Variants in COL23A1 observed in about 807,000 individuals in gnomAD.
COL23A1 encodes collagen alpha-1(XXIII) chain.
Under a neutral mutation model 99.3 loss-of-function variants are expected in COL23A1, and 97 were observed. The observed-to-expected ratio is 0.98, with a 90% CI of 0.83 to 1.16. The LOEUF (loss-of-function observed/expected upper bound fraction) is 1.16. Ranked by LOEUF, COL23A1 falls within the 50% of genes most tolerant of loss-of-function variation. The pLI is 0.00. For missense variants in COL23A1, 762 were observed against 757.4 expected (o/e 1.01, Z -0.07); for synonymous variants, 320 against 308.2 (o/e 1.04, Z -0.40).
intron 6 of COL23A1, among the ~76,000 whole-genome samples, chr5:178,269,795 GCATCCATC>G (rs112165051): frequency 8.5e-5 from 12 of 141,932 alleles, no homozygotes; most frequent in African/African-American, 5.2e-5. Context: ...TATCCAGTCA[GCATCCATC>G]CATCCATCCA....
chr5:178,298,045 C>T (rs1265723431), intron 3 of COL23A1, among the ~76,000 whole-genome samples: 1 of 152,132 alleles, frequency 6.6e-6, no homozygotes, highest in East Asian at 1.9e-4. Flanking sequence ...ATGGTGGTGT[C>T]CCGAGGTCCA....
intron 1 of COL23A1, among the ~76,000 whole-genome samples, chr5:178,563,593 A>G (rs536441468): frequency 1.5e-5 from 2 of 130,510 alleles, no homozygotes; most frequent in African/African-American, 6.0e-5. Flanking sequence ...ATGCAGTGGC[A>G]CCATCTCCGC....
chr5:178,268,829 T>G, intron 6 of COL23A1, 73 bp from the exon 7 acceptor site: 1 of 1,504,060 alleles, frequency 6.6e-7, no homozygotes, highest in Non-Finnish European at 9.1e-7. Context: ...GGCTTCCCTA[T>G]ACCTCTGAGG....
At chr5:178,560,881 ATCTC>A (rs1762527895) in intron 1 of COL23A1, 133 bp from the exon 2 acceptor site, 7 of 796,326 alleles carry the variant, frequency 8.8e-6, no homozygotes, top group Non-Finnish European at 1.0e-5. Flanking sequence ...CTGTGAGACC[ATCTC>A]TCAAAAGATC....
At chr5:178,449,479 G>A (rs987914074) in intron 2 of COL23A1, among the ~76,000 whole-genome samples, 7 of 152,144 alleles carry the variant, frequency 4.6e-5, no homozygotes, top group South Asian at 2.1e-4. Context: ...CGACAGCAAC[G>A]ACGCTGTCCT....
chr5:178,581,813 C>T (rs1475109111), intron 1 of COL23A1, among the ~76,000 whole-genome samples: 1 of 152,002 alleles, frequency 6.6e-6, no homozygotes, highest in African/African-American at 2.4e-5. Context: ...TCACACATGA[C>T]CCTAAAGATG....
At chr5:178,485,796 A>C (rs1367001602) in intron 2 of COL23A1, among the ~76,000 whole-genome samples, 2 of 151,442 alleles carry the variant, frequency 1.3e-5, no homozygotes, top group African/African-American at 2.4e-5. Flanking sequence ...AAAAAAAAAA[A>C]AACACAGAAA....
At chr5:178,334,427 G>C (rs1465120894) in intron 2 of COL23A1, among the ~76,000 whole-genome samples, 1 of 82,064 alleles carries the variant, frequency 1.2e-5, no homozygotes, top group African/African-American at 4.1e-5. Context: ...GGGCGGCACC[G>C]GCCGGCACAG....
chr5:178,445,204 T>C (rs1468578498), intron 2 of COL23A1, among the ~76,000 whole-genome samples: 2 of 152,250 alleles, frequency 1.3e-5, no homozygotes, highest in African/African-American at 4.8e-5. Flanking sequence ...AAATCATTCA[T>C]TTAAGAATCT....
intron 2 of COL23A1, among the ~76,000 whole-genome samples, chr5:178,500,015 A>G (rs1245054590): frequency 2.6e-5 from 4 of 152,308 alleles, no homozygotes; most frequent in Admixed American, 6.5e-5. Context: ...ATAATAAGTT[A>G]TAGTAACAGA....
intron 2 of COL23A1, among the ~76,000 whole-genome samples, chr5:178,350,559 G>A (rs1440536194): frequency 6.6e-6 from 1 of 152,228 alleles, no homozygotes; most frequent in Non-Finnish European, 1.5e-5. Context: ...GGTAGCGTGT[G>A]GCTGCCCCAA....
intron 2 of COL23A1, among the ~76,000 whole-genome samples, chr5:178,518,351 C>T (rs1215832117): frequency 1.3e-5 from 2 of 150,726 alleles, no homozygotes; most frequent in Non-Finnish European, 2.9e-5. Flanking sequence ...CCACCTTTCC[C>T]GCCTTTCTAT....
chr5:178,570,355 C>A (rs1430600453), intron 1 of COL23A1, among the ~76,000 whole-genome samples: 1 of 152,086 alleles, frequency 6.6e-6, no homozygotes, highest in Non-Finnish European at 1.5e-5. Context: ...GTGATCTGTG[C>A]CTGCCTCGGC....
At chr5:178,254,910 C>T (rs779763097) in intron 16 of COL23A1, 39 bp downstream of exon 16, 25 of 1,547,786 alleles carry the variant, frequency 1.6e-5, no homozygotes, top group Admixed American at 6.7e-5. Context: ...AAGGAAAAAT[C>T]GTATCTAAGG....
chr5:178,356,199 G>A (rs924537405), intron 2 of COL23A1, among the ~76,000 whole-genome samples: 1 of 152,132 alleles, frequency 6.6e-6, no homozygotes, highest in African/African-American at 2.4e-5. Flanking sequence ...TGGCCGCCTG[G>A]GGTTGCGGAG....
chr5:178,315,410 G>A (rs1409306200), intron 2 of COL23A1, among the ~76,000 whole-genome samples: 8 of 152,176 alleles, frequency 5.3e-5, no homozygotes, highest in Admixed American at 5.2e-4. Context: ...GAGTAATTCT[G>A]AGATGTACAA....
chr5:178,474,662 C>G (rs1461630330), intron 2 of COL23A1, among the ~76,000 whole-genome samples: 1 of 152,136 alleles, frequency 6.6e-6, no homozygotes, highest in Non-Finnish European at 1.5e-5. Context: ...CATCGATTCA[C>G]TCAGTACATT....
At chr5:178,322,525 C>T (rs1480187366) in intron 2 of COL23A1, among the ~76,000 whole-genome samples, 1 of 152,192 alleles carries the variant, frequency 6.6e-6, no homozygotes, top group Non-Finnish European at 1.5e-5. Context: ...TCTGGATTTG[C>T]GCGCTGCTTC....
Position 178,242,412 on chromosome 5 carries a change from T to C in COL23A1, c.1441-18A>G. The C allele has an allele frequency of 6.2e-7, 1 of 1,613,188 alleles. No individual in the cohort carries two copies. Among genetic ancestry groups the C allele is most frequent in the Non-Finnish European group, 8.5e-7 (1 of 1,179,650 alleles). ...GGGAAACCCTGACAAAAGGATTAGATGCTAAACCCGAAAATGAGGCTGGAG... is the reference window on the plus strand; with the variant it reads ...GGGAAACCCTGACAAAAGGATTAGACGCTAAACCCGAAAATGAGGCTGGAG... On this transcript the variant is annotated intron_variant, in intron 25 of 28. Coordinates refer to ENST00000390654, the MANE Select transcript of COL23A1 (RefSeq NM_173465.4).
Sources: gnomAD v4.1 joint callset for allele counts (sites outside exome capture counted in the v4.1 genomes callset) on GRCh38, gnomAD v4.1.1 for gene constraint, MANE v1.5 for transcripts, NCBI Gene and HGNC (gene_info 2026-07-23, HGNC 2026-07-21) for gene names.